The following PARPBP variants were observed in gnomAD, a reference collection of about 807,000 sequenced individuals.
PARPBP encodes the protein PARP1 binding protein, also known as PCNA-interacting partner.
In PARPBP, 52 loss-of-function variants were observed where a neutral mutation model predicts 50.0. The observed-to-expected ratio is 1.04, with a 90% CI of 0.83 to 1.31. The LOEUF is 1.31. Ranked by LOEUF, PARPBP falls within the 50% of genes most tolerant of loss-of-function variation. PARPBP has a pLI of 0.00. For missense variants in PARPBP, 697 were observed against 672.0 expected (o/e 1.04, Z -0.41); for synonymous variants, 244 against 232.1 (o/e 1.05, Z -0.47).
Position 102,184,046 on chromosome 12 carries a change from GAAA to G in PARPBP, c.1263+1437_1263+1439del, listed in dbSNP as rs71438459. Among the ~76,000 whole-genome samples the G allele has an allele frequency of 3.3e-4, 20 of 59,946 alleles. No homozygotes were observed. The South Asian group carries it at 9.2e-3, about 28-fold the overall frequency. 39.3% of individuals were successfully genotyped at this position (59,946 alleles called of 152,430 possible). A position where few individuals can be genotyped will look rare whatever the true frequency, so the allele number is the denominator to read the frequency against. ...TGGGTGACAAAATGAGACTCTATCT[GAAA>G]AAAAAAAAAAAAAAAAAGAAAGAAT... On this transcript the variant is annotated intron_variant, in intron 9 of 10. Coordinates refer to ENST00000327680, the MANE Select transcript of PARPBP (RefSeq NM_017915.5).
At chr12:102,144,624 C>G (rs1885116575) in intron 2 of PARPBP, among the ~76,000 whole-genome samples, 1 of 152,098 alleles carries the variant, frequency 6.6e-6, no homozygotes, top group South Asian at 2.1e-4. Context: ...TTTACTTTAA[C>G]TAGTTATAGT....
intron 2 of PARPBP, among the ~76,000 whole-genome samples, chr12:102,125,064 A>T (rs912302012): frequency 6.6e-6 from 1 of 152,242 alleles, no homozygotes; most frequent in Non-Finnish European, 1.5e-5. Context: ...TATTTTAAAC[A>T]ATGCATGTTA....
intron 1 of PARPBP, among the ~76,000 whole-genome samples, chr12:102,121,571 T>TTTAAA (rs57945278): frequency 7.9e-6 from 1 of 127,288 alleles, no homozygotes; most frequent in African/African-American, 3.1e-5. Context: ...TTTTTTTTTT[T>TTTAAA]AAGACAGAGT....
intron 2 of PARPBP, among the ~76,000 whole-genome samples, chr12:102,139,389 C>A (rs567149652): frequency 6.6e-6 from 1 of 152,138 alleles, no homozygotes; most frequent in African/African-American, 2.4e-5. Context: ...TGGGCTGAGA[C>A]GATGGGGTTT....
intron 6 of PARPBP, among the ~76,000 whole-genome samples, chr12:102,168,080 G>A (rs1011906796): frequency 2.6e-5 from 4 of 151,964 alleles, no homozygotes; most frequent in Admixed American, 6.6e-5. Context: ...TCATTTTTTT[G>A]TACTTTGATG....
intron 9 of PARPBP, among the ~76,000 whole-genome samples, chr12:102,194,665 A>G (rs1891096025): frequency 6.6e-6 from 1 of 151,850 alleles, no homozygotes; most frequent in African/African-American, 2.4e-5. Flanking sequence ...ATGCAAGAGT[A>G]TACTTTGGAT....
chr12:102,163,732 A>C (rs1021436761), intron 4 of PARPBP, among the ~76,000 whole-genome samples: 1 of 152,204 alleles, frequency 6.6e-6, no homozygotes, highest in Non-Finnish European at 1.5e-5. Context: ...GAACCCATCA[A>C]GCAAATTTTG....
intron 9 of PARPBP, among the ~76,000 whole-genome samples, chr12:102,188,506 G>T (rs888553555): frequency 5.3e-5 from 8 of 152,062 alleles, no homozygotes; most frequent in African/African-American, 1.9e-4. Flanking sequence ...CTCATTCCTT[G>T]ATTGTATTGA....
intron 8 of PARPBP, among the ~76,000 whole-genome samples, chr12:102,179,470 G>C (rs1368443869): frequency 6.6e-6 from 1 of 152,224 alleles, no homozygotes; most frequent in Non-Finnish European, 1.5e-5. Context: ...CTGGAAGCTG[G>C]AGATGCAGGG....
At chr12:102,142,266 A>T (rs955668094) in intron 2 of PARPBP, among the ~76,000 whole-genome samples, 1 of 151,936 alleles carries the variant, frequency 6.6e-6, no homozygotes, top group Non-Finnish European at 1.5e-5. Flanking sequence ...CCTTTCTTCC[A>T]CTTGATGAAT....
chr12:102,122,892 GC>G (rs1189755632), intron 1 of PARPBP, among the ~76,000 whole-genome samples: 1 of 152,188 alleles, frequency 6.6e-6, no homozygotes, highest in African/African-American at 2.4e-5. Context: ...CACCAAGTTA[GC>G]TCCTAAATAT....
chr12:102,152,035 C>T, intron 3 of PARPBP: 1 of 472,962 alleles, frequency 2.1e-6, no homozygotes, highest in Non-Finnish European at 3.8e-6. Flanking sequence ...CCTGCTTTAT[C>T]AAAAAGTTTT....
chr12:102,194,164 C>G (rs950209514), intron 9 of PARPBP, among the ~76,000 whole-genome samples: 10 of 151,956 alleles, frequency 6.6e-5, no homozygotes, highest in African/African-American at 2.2e-4. Context: ...TTACAAACAT[C>G]TGAGTGAATT....
At chr12:102,155,830 G>A (rs1028713956) in intron 4 of PARPBP, among the ~76,000 whole-genome samples, 2 of 152,170 alleles carry the variant, frequency 1.3e-5, no homozygotes, top group African/African-American at 4.8e-5. Flanking sequence ...TAGGATGTCC[G>A]CTGTGCTCCT....
chr12:102,196,781 T>C lies in PARPBP; in HGVS notation c.*490T>C. On this transcript the variant is annotated 3_prime_UTR_variant, in exon 11 of 11. Transcript: ENST00000327680. ...TTTATTAAGAAAAAAAGAATGGATC[T>C]AGTATAACTAATTCTGAGTAAACCA... 1 of 1,182,080 alleles carries C rather than the reference T, an allele frequency of 8.5e-7. No homozygotes were observed. Among genetic ancestry groups the C allele is most frequent in the Non-Finnish European group, 1.3e-6 (1 of 798,444 alleles). The allele number at this position is 1,182,080 out of a possible 1,614,324, so 73.2% of individuals were successfully genotyped here. A position where few individuals can be genotyped will look rare whatever the true frequency, so the allele number is the denominator to read the frequency against.
chr12:102,132,521 T>C (rs1322194847), intron 2 of PARPBP, among the ~76,000 whole-genome samples: 1 of 152,216 alleles, frequency 6.6e-6, no homozygotes, highest in African/African-American at 2.4e-5. Context: ...ATCCGTATGT[T>C]TTTATGCTAG....
intron 2 of PARPBP, among the ~76,000 whole-genome samples, chr12:102,130,089 C>T (rs1882612229): frequency 6.6e-6 from 1 of 152,160 alleles, no homozygotes; most frequent in African/African-American, 2.4e-5. Flanking sequence ...AATAAGACCA[C>T]ACACCAACAA....
intron 2 of PARPBP, among the ~76,000 whole-genome samples, chr12:102,127,250 G>C (rs147558351): frequency 0.014 from 2,120 of 152,126 alleles, 57 homozygotes; most frequent in African/African-American, 0.049. Flanking sequence ...ACAAAAATTA[G>C]CTGGGTGTGG....
intron 2 of PARPBP, 65 bp from the exon 3 acceptor site, chr12:102,148,165 T>C (rs1885662058): frequency 1.5e-6 from 1 of 647,316 alleles, no homozygotes; most frequent in African/African-American, 1.9e-5. Flanking sequence ...TTATCTCAGT[T>C]ATAAGTTATT....
Sources: gnomAD v4.1 joint callset for allele counts (sites outside exome capture counted in the v4.1 genomes callset) on GRCh38, gnomAD v4.1.1 for gene constraint, MANE v1.5 for transcripts, NCBI Gene and HGNC (gene_info 2026-07-23, HGNC 2026-07-21) for gene names.